Variants in FOXP3 observed in about 807,000 individuals in gnomAD.
FOXP3 encodes forkhead box P3.
FOXP3 carries 5 observed loss-of-function variants against 31.2 expected under a neutral mutation model. The ratio of observed to expected loss-of-function variants is 0.16; its 90% confidence interval spans 0.08 to 0.34. FOXP3 has a LOEUF of 0.34. Among genes scored for constraint, FOXP3 ranks in the 10% least tolerant of loss-of-function variants. The pLI, the probability that FOXP3 is intolerant of heterozygous loss-of-function variation, is 1.00. For missense variants in FOXP3, 251 were observed against 363.0 expected, an observed-to-expected ratio of 0.69 and a Z score of 2.51; for synonymous variants, 141 against 148.8, an observed-to-expected ratio of 0.95 and a Z score of 0.38.
At chrX:49,263,921 G>A (rs782283782) in intron 1 of FOXP3, among the ~76,000 whole-genome samples, 84 of 109,320 alleles carry the variant, frequency 7.7e-4, no homozygotes, top group African/African-American at 2.6e-3. Flanking sequence ...AGCTTGCCCC[G>A]GCACCTTGCA....
intron 1 of FOXP3, among the ~76,000 whole-genome samples, chrX:49,259,565 T>C (rs782143028): frequency 3.6e-5 from 4 of 110,733 alleles, no homozygotes; most frequent in African/African-American, 1.3e-4. Flanking sequence ...TCTTTCCCTG[T>C]CCAAGCCACG....
chrX:49,258,274 C>A (rs937763802), intron 2 of FOXP3, 22 bp downstream of exon 2: 2 of 1,138,541 alleles, frequency 1.8e-6, no homozygotes, highest in Admixed American at 5.2e-5. Context: ...CTGCCTGCCC[C>A]ATCCTGGGCC....
At position 49,257,530 on chromosome X, in the gene FOXP3, C is replaced by T; in HGVS notation, c.351G>A (p.Val117=). The T allele has an allele frequency of 8.5e-7, 1 of 1,173,722 alleles. No individual in the cohort carries two copies. The highest frequency in any genetic ancestry group is 1.1e-6 in the Non-Finnish European group (1 of 872,281). Residue 117 remains valine, a synonymous_variant, in exon 4 of 12, where the codon GTG becomes GTA. Coordinates refer to ENST00000376207, the MANE Select transcript of FOXP3 (RefSeq NM_014009.4). ...GGCTCTCCAGGGGGTGCACCTGCAG[C>T]ACAGGGGTCCGGGCGTGGGCATCCA... is the stretch of plus-strand genomic sequence containing the variant. ...STVDAHARTP[V]LQVHPLESPA... is the part of the protein sequence containing the mutation.
At position 49,258,642 on chromosome X, in the gene FOXP3, T is replaced by C. The variant is rs1307066271; in HGVS notation, c.-22-115A>G. The C allele has an allele frequency of 8.6e-6, 5 of 581,860 alleles. No individual in the cohort carries two copies. In the African/African-American group the frequency reaches 1.2e-4, roughly 14 times the overall value. 48.0% of individuals were successfully genotyped at this position (581,860 alleles called of 1,213,427 possible). ...CAAAGCAGGCATTGGCTGGGACATG[T>C]CCCGAGGGGCCCCATAGTTGCACCC... On this transcript the variant is annotated intron_variant, in intron 1 of 11. Coordinates refer to ENST00000376207, the MANE Select transcript of FOXP3 (RefSeq NM_014009.4).
intron 1 of FOXP3, among the ~76,000 whole-genome samples, chrX:49,260,622 C>T (rs1420270572): frequency 5.3e-5 from 6 of 112,400 alleles, no homozygotes; most frequent in South Asian, 3.6e-4. Flanking sequence ...CCTAGAGGGC[C>T]GGGCTGGGCA....
At chrX:49,261,830 G>C (rs782034907) in intron 1 of FOXP3, among the ~76,000 whole-genome samples, 1 of 112,192 alleles carries the variant, frequency 8.9e-6, no homozygotes, top group African/African-American at 3.2e-5. Context: ...AGAGTCCTGA[G>C]ATCTAGGCTT....
Position 49,257,734 on chromosome X carries a change from G to A in FOXP3, c.245C>T (p.Ser82Phe). The A allele has an allele frequency of 2.6e-6, 3 of 1,175,209 alleles. No homozygotes were observed. Among genetic ancestry groups the A allele is most frequent in the Non-Finnish European group, 2.3e-6 (2 of 876,097 alleles). Residue 82 changes from serine (S) to phenylalanine (F), a missense_variant, in exon 3 of 12, where the codon TCC becomes TTC. By Grantham distance (155) the Ser-to-Phe change is radical. Around this residue, in one of 4 missense-constraint regions of FOXP3, gnomAD observed 152 missense variants for 188.1 expected, o/e 0.81. Transcript: ENST00000376207. ...PTLPLVMVAPSGARLGPLPHL... is the reference protein window; with the variant it reads ...PTLPLVMVAPFGARLGPLPHL... ...GGGCAAGGGGCCCAGCCGTGCCCCG[G>A]AGGGTGCCACCATGACTAGGGGCAG...
intron 4 of FOXP3, 95 bp downstream of exon 4, chrX:49,257,332 A>C (rs2066080329): frequency 9.5e-7 from 1 of 1,058,102 alleles, no homozygotes; most frequent in African/African-American, 1.9e-5. Flanking sequence ...TGACCCCCAG[A>C]GTACTGCAAT....
rs1557115278 is a variant in FOXP3, at chrX:49,250,448, G to A, written c.*886C>T. 2 of 504,225 alleles carry A rather than the reference G, an allele frequency of 4.0e-6. No homozygotes were observed. The highest frequency in any genetic ancestry group is 3.3e-4 in the Middle Eastern group (1 of 3,062). 41.6% of individuals were successfully genotyped at this position (504,225 alleles called of 1,213,427 possible). A position where few individuals can be genotyped will look rare whatever the true frequency, so the allele number is the denominator to read the frequency against. On this transcript the variant is annotated 3_prime_UTR_variant, in exon 12 of 12. Transcript: ENST00000376207. The stretch of plus-strand genomic sequence containing the variant: ...TGATAGTCCAGCATGTGGGGAGCTC[G>A]GCTGCAGTTTATTGGGGACGGTACT...
Position 49,251,243 on chromosome X carries a change from A to G in FOXP3, c.*91T>C. 3.8e-6 allele frequency: 4 copies of G among 1,046,619 alleles called. No homozygotes were observed. Among genetic ancestry groups the G allele is most frequent in the Non-Finnish European group, 5.2e-6 (4 of 763,817 alleles). 86.3% of individuals were successfully genotyped at this position (1,046,619 alleles called of 1,213,427 possible). On this transcript the variant is annotated 3_prime_UTR_variant, in exon 12 of 12. Coordinates refer to ENST00000376207, the MANE Select transcript of FOXP3 (RefSeq NM_014009.4). ...ACCTCACTTCTTGGTCCCTGTGGGC[A>G]CATCCAGGGCCTATCATCCCTGCCC...
intron 4 of FOXP3, 35 bp downstream of exon 4, chrX:49,257,392 T>C: frequency 8.8e-7 from 1 of 1,130,579 alleles, no homozygotes; most frequent in Non-Finnish European, 1.2e-6. Flanking sequence ...ACTTGGGGGT[T>C]CTGTGAAGCC....
rs1569529704 is a variant in FOXP3, at chrX:49,255,409, C to G, written c.816+20G>C. 2 of 1,194,597 alleles carry G rather than the reference C, an allele frequency of 1.7e-6. No homozygotes were observed. Among genetic ancestry groups the G allele is most frequent in the South Asian group, 1.8e-5 (1 of 54,804 alleles). ...CCCCAGCAGTCTGAGTCTGCCACCACCAGTCCTGGGGTCGCTCACCACAGA... is the reference window on the plus strand; with the variant it reads ...CCCCAGCAGTCTGAGTCTGCCACCAGCAGTCCTGGGGTCGCTCACCACAGA... On this transcript the variant is annotated intron_variant, in intron 8 of 11. Transcript: ENST00000376207.
chrX:49,257,017 G>A lies in FOXP3; in HGVS notation c.455-5C>T. ...CCAGGCTGGCCACGTTGATCCCTGT[G>A]GGTGGGGACAGGGCACCTATGGAGG... On this transcript the variant is annotated splice_region_variant and splice_polypyrimidine_tract_variant and intron_variant, in intron 4 of 11. Coordinates refer to ENST00000376207, the MANE Select transcript of FOXP3 (RefSeq NM_014009.4). The A allele has an allele frequency of 8.3e-7, 1 of 1,199,667 alleles. No homozygotes were observed. Among genetic ancestry groups the A allele is most frequent in the Non-Finnish European group, 1.1e-6 (1 of 886,712 alleles).
At chrX:49,263,890 G>A (rs1247326650) in intron 1 of FOXP3, among the ~76,000 whole-genome samples, 2 of 110,161 alleles carry the variant, frequency 1.8e-5, no homozygotes, top group Non-Finnish European at 3.8e-5. Flanking sequence ...AGCGATACAA[G>A]CAAAGTTCAG....
chrX:49,258,455 G>T lies in FOXP3; in HGVS notation c.51C>A (p.Gly17=). The change falls in exon 2 of 12, where the codon GGC becomes GGA. Residue 17 remains glycine (G), a synonymous_variant. Transcript: ENST00000376207. ...GKPSAPSLAL[G]PSPGASPSWR... is the part of the protein sequence containing the mutation. ...AGCTGGGCGAGGCTCCTGGGGATGG[G>T]CCAAGGGCCAAGGAAGGGGCCGAGG... 1 of 1,187,752 alleles carries T rather than the reference G, an allele frequency of 8.4e-7. No homozygotes were observed. Among genetic ancestry groups the T allele is most frequent in the East Asian group, 3.0e-5 (1 of 32,954 alleles).
At chrX:49,259,279 A>G (rs782017614) in intron 1 of FOXP3, 54 of 522,521 alleles carry the variant, frequency 1.0e-4, no homozygotes, top group Non-Finnish European at 1.9e-4. Flanking sequence ...GCAGGTGTAG[A>G]TAGACATGAA....
chrX:49,258,108 T>C (rs1216976417), intron 2 of FOXP3, among the ~76,000 whole-genome samples, 188 bp downstream of exon 2: 1 of 111,702 alleles, frequency 9.0e-6, no homozygotes, highest in Non-Finnish European at 1.9e-5. Context: ...CTCCAATCTC[T>C]GAGGCCTGGC....
At position 49,255,817 on chromosome X, in the gene FOXP3, G is replaced by A. The variant is rs1183403474; in HGVS notation, c.648-15C>T. On this transcript the variant is annotated splice_polypyrimidine_tract_variant and intron_variant, in intron 6 of 11. Coordinates refer to ENST00000376207, the MANE Select transcript of FOXP3 (RefSeq NM_014009.4). Reference sequence around the variant, plus strand: ...CCTGGCAGTGCCTAAGTAGGGAGAAGATTCCATGCAGGTGACCACGACAGG... The same window carrying A: ...CCTGGCAGTGCCTAAGTAGGGAGAAAATTCCATGCAGGTGACCACGACAGG... 3 of 1,188,440 alleles carry A rather than the reference G, an allele frequency of 2.5e-6. No homozygotes were observed. Among genetic ancestry groups the A allele is most frequent in the Non-Finnish European group, 3.4e-6 (3 of 879,506 alleles).
chrX:49,259,864 G>A (rs1370152087), intron 1 of FOXP3, among the ~76,000 whole-genome samples: 1 of 111,788 alleles, frequency 8.9e-6, no homozygotes, highest in Non-Finnish European at 1.9e-5. Context: ...TCTGGTGTGT[G>A]TGTGTGTGTG....
Sources: allele counts gnomAD v4.1 joint callset (sites outside exome capture counted in the v4.1 genomes callset), GRCh38; gene constraint gnomAD v4.1.1; regional missense constraint gnomAD v4.1.1; transcripts MANE v1.5; gene names NCBI Gene and HGNC (gene_info 2026-07-23, HGNC 2026-07-21).